The following SGCZ variants were observed in gnomAD, a reference collection of about 807,000 sequenced individuals.
The protein encoded by SGCZ is sarcoglycan zeta, also known as zeta-sarcoglycan.
In SGCZ, 40 loss-of-function variants were observed where a neutral mutation model predicts 41.3. The observed-to-expected ratio is 0.97, with a 90% confidence interval of 0.75 to 1.26. SGCZ has a LOEUF of 1.26. SGCZ is among the 50% of genes most tolerant of loss of function. The pLI is 0.00. For synonymous variants in SGCZ, 206 were observed against 137.5 expected (o/e 1.50, Z -3.49); for missense variants, 552 against 369.8 (o/e 1.49, Z -4.04).
chr8:14,203,641 G>A (rs1805526780), intron 4 of SGCZ, among the ~76,000 whole-genome samples: 1 of 152,138 alleles, frequency 6.6e-6, no homozygotes, highest in South Asian at 2.1e-4. Flanking sequence ...ATGAATAGAG[G>A]TGAAGGTCAC....
intron 1 of SGCZ, among the ~76,000 whole-genome samples, chr8:14,916,046 TA>T (rs1799426760): frequency 6.6e-6 from 1 of 152,206 alleles, no homozygotes; most frequent in South Asian, 2.1e-4. Flanking sequence ...GAAACACGAA[TA>T]TGTTAATATA....
chr8:14,639,492 T>G (rs930426475), intron 1 of SGCZ, among the ~76,000 whole-genome samples: 1 of 151,754 alleles, frequency 6.6e-6, no homozygotes, highest in Non-Finnish European at 1.5e-5. Flanking sequence ...TACCGCATTT[T>G]CTTTCTTCGG....
At chr8:14,809,668 A>G (rs1801680069) in intron 1 of SGCZ, among the ~76,000 whole-genome samples, 1 of 152,170 alleles carries the variant, frequency 6.6e-6, no homozygotes, top group Admixed American at 6.5e-5. Context: ...AAGACTATCA[A>G]AATTCATGCA....
intron 2 of SGCZ, among the ~76,000 whole-genome samples, chr8:14,423,017 G>C (rs533741553): frequency 1.3e-5 from 2 of 152,238 alleles, no homozygotes; most frequent in East Asian, 3.9e-4. Context: ...AACAGTGTGA[G>C]ACCCTGTATT....
chr8:14,365,955 T>A (rs1803690194), intron 2 of SGCZ, among the ~76,000 whole-genome samples: 1 of 152,068 alleles, frequency 6.6e-6, no homozygotes, highest in East Asian at 1.9e-4. Flanking sequence ...CATTAATCTT[T>A]CCAAGAACCT....
At chr8:14,702,818 T>TAGAC (rs1216066363) in intron 1 of SGCZ, among the ~76,000 whole-genome samples, 7 of 2,268 alleles carry the variant, frequency 3.1e-3, no homozygotes, top group Admixed American at 0.011. Context: ...GTTAGGTAGA[T>TAGAC]AGATAGATAG....
At chr8:14,295,404 T>G (rs1218865792) in intron 3 of SGCZ, among the ~76,000 whole-genome samples, 1 of 152,200 alleles carries the variant, frequency 6.6e-6, no homozygotes, top group East Asian at 1.9e-4. Flanking sequence ...GCCATATAAT[T>G]AAAGTAATGG....
intron 4 of SGCZ, among the ~76,000 whole-genome samples, chr8:14,206,272 G>A (rs1805612553): frequency 6.6e-6 from 1 of 152,066 alleles, no homozygotes; most frequent in Non-Finnish European, 1.5e-5. Context: ...AGAAAACTCA[G>A]AAATTACAAG....
At chr8:14,722,251 C>T (rs2250285) in intron 1 of SGCZ, among the ~76,000 whole-genome samples, 55,948 of 151,904 alleles carry the variant, frequency 0.37, 12,488 homozygotes, top group Non-Finnish European at 0.5. Context: ...AATATTAAAT[C>T]TAGCATCTAT....
intron 2 of SGCZ, among the ~76,000 whole-genome samples, chr8:14,426,559 G>A (rs1042931742): frequency 4.6e-5 from 7 of 152,076 alleles, no homozygotes; most frequent in Non-Finnish European, 1.0e-4. Context: ...AGATGAAAGC[G>A]ATCATACGCC....
intron 3 of SGCZ, among the ~76,000 whole-genome samples, chr8:14,250,610 G>T (rs946910932): frequency 6.6e-6 from 1 of 152,096 alleles, no homozygotes; most frequent in Non-Finnish European, 1.5e-5. Context: ...TATCTGCATG[G>T]ATCAGAACCA....
Position 14,896,931 on chromosome 8 carries a change from G to A in SGCZ, c.39+340654C>T, listed in dbSNP as rs114349700. On this transcript the variant is annotated intron_variant, in intron 1 of 7. Coordinates refer to ENST00000382080, the MANE Select transcript of SGCZ (RefSeq NM_139167.4). The stretch of plus-strand genomic sequence containing the variant: ...TGAGTAGCTGGGATTACAGGTGAGC[G>A]CCACCAGGCCCAACTAATTTTTTTG... Among the ~76,000 whole-genome samples, 1,335 of 151,896 alleles carry A rather than the reference G, an allele frequency of 8.8e-3. 15 individuals carry two copies. The highest frequency in any genetic ancestry group is 0.03 in the African/African-American group (1,258 of 41,398).
intron 1 of SGCZ, among the ~76,000 whole-genome samples, chr8:15,119,467 A>G (rs1300446635): frequency 6.6e-6 from 1 of 151,796 alleles, no homozygotes; most frequent in African/African-American, 2.4e-5. Context: ...GAGGCACACA[A>G]GTTGCAATGA....
intron 1 of SGCZ, among the ~76,000 whole-genome samples, chr8:15,197,675 G>A (rs7008311): frequency 0.22 from 34,087 of 152,000 alleles, 4,253 homozygotes; most frequent in East Asian, 0.42. Context: ...ACCCAGCGGC[G>A]TCCAACCCCA....
intron 2 of SGCZ, among the ~76,000 whole-genome samples, chr8:14,405,369 AC>A (rs1799185415): frequency 1.3e-5 from 2 of 152,220 alleles, no homozygotes; most frequent in Non-Finnish European, 2.9e-5. Flanking sequence ...TTTCTCACAC[AC>A]ATTCCATTAA....
At chr8:15,139,019 T>C (rs926522107) in intron 1 of SGCZ, among the ~76,000 whole-genome samples, 1 of 152,216 alleles carries the variant, frequency 6.6e-6, no homozygotes, top group African/African-American at 2.4e-5. Flanking sequence ...GATTTAAGCA[T>C]GCCCTAAGTT....
intron 4 of SGCZ, among the ~76,000 whole-genome samples, chr8:14,198,874 T>C (rs1347967045): frequency 6.6e-6 from 1 of 152,210 alleles, no homozygotes; most frequent in African/African-American, 2.4e-5. Context: ...CCCCAATCAA[T>C]ACTCTTGTGA....
Position 15,130,964 on chromosome 8 carries a change from G to A in SGCZ, c.39+106621C>T, listed in dbSNP as rs938356270. Among the ~76,000 whole-genome samples the A allele has an allele frequency of 9.9e-5, 15 of 152,150 alleles. No homozygotes were observed. In the East Asian group the frequency reaches 2.7e-3, roughly 27 times the overall value. On this transcript the variant is annotated intron_variant, in intron 1 of 7. Coordinates refer to ENST00000382080, the MANE Select transcript of SGCZ (RefSeq NM_139167.4). ...TGTTGACCATTGTGCTAGATACGGG[G>A]CTTACAAAAATGAATGAACTCAGCA...
At chr8:14,096,093 A>C (rs778600237) in intron 7 of SGCZ, among the ~76,000 whole-genome samples, 1 of 152,048 alleles carries the variant, frequency 6.6e-6, no homozygotes, top group East Asian at 1.9e-4. Context: ...AAAACTCTTT[A>C]TTTCTTTCTT....
Sources: gnomAD v4.1 joint callset for allele counts (sites outside exome capture counted in the v4.1 genomes callset) on GRCh38, gnomAD v4.1.1 for gene constraint, MANE v1.5 for transcripts, NCBI Gene and HGNC (gene_info 2026-07-23, HGNC 2026-07-21) for gene names.